HS3ST1: variants seen among roughly 807,000 people sequenced by gnomAD.
HS3ST1 encodes the protein heparan sulfate glucosamine 3-O-sulfotransferase 1.
A neutral mutation model predicts 20.7 loss-of-function variants in HS3ST1; 8 were observed. The ratio of observed to expected loss-of-function variants is 0.39; its 90% CI spans 0.23 to 0.70. The LOEUF (loss-of-function observed/expected upper bound fraction) is 0.70. Among genes scored for constraint, HS3ST1 ranks in the 30% least tolerant of loss-of-function variants. The pLI is 0.46. For missense variants in HS3ST1, 436 were observed against 423.4 expected (o/e 1.03, Z -0.26); for synonymous variants, 205 against 190.4 (o/e 1.08, Z -0.63).
At chr4:11,417,344 C>T (rs1456895390) in intron 1 of HS3ST1, among the ~76,000 whole-genome samples, 2 of 152,156 alleles carry the variant, frequency 1.3e-5, no homozygotes, top group African/African-American at 4.8e-5. Context: ...CCACTGTCTG[C>T]CAGGCATTGG....
At chr4:11,425,794 A>ACG (rs1719045065) in intron 1 of HS3ST1, among the ~76,000 whole-genome samples, 1 of 152,140 alleles carries the variant, frequency 6.6e-6, no homozygotes, top group Non-Finnish European at 1.5e-5. Flanking sequence ...AGAGGAAGAA[A>ACG]TTTAGGGTCA....
rs376342657 is a variant in HS3ST1, at chr4:11,399,918, G to A, written c.88C>T (p.Leu30Phe). The change falls in exon 2 of 2, where the codon CTT becomes TTT. Residue 30 changes from leucine to phenylalanine, a missense_variant. Transcript: ENST00000002596. This position sits in a 1 kb window ranked among gnomAD's most constrained non-coding sequence, Gnocchi z 5.1. ...SRPAELGQQE[L>F]LRKAGTLQDD... ...TGGAGGGTCCCCGCTTTCCGCAGAA[G>A]CTCCTGCTGGCCTAGCTCGGCGGGG... 22 of 1,602,070 alleles carry A rather than the reference G, an allele frequency of 1.4e-5. No individual in the cohort carries two copies. Among genetic ancestry groups the A allele is most frequent in the East Asian group, 2.3e-5 (1 of 44,374 alleles).
intron 1 of HS3ST1, among the ~76,000 whole-genome samples, chr4:11,405,273 C>T (rs549419405): frequency 6.6e-6 from 1 of 152,310 alleles, no homozygotes; most frequent in African/African-American, 2.4e-5. Context: ...ATGGTGAAAA[C>T]CCAAGGCCTG....
chr4:11,416,312 A>C (rs1395631778), intron 1 of HS3ST1, among the ~76,000 whole-genome samples: 1 of 152,056 alleles, frequency 6.6e-6, no homozygotes, highest in Non-Finnish European at 1.5e-5. Context: ...TCCATATTTC[A>C]CTCAGGGATC....
Position 11,403,920 on chromosome 4 carries a change from C to T in HS3ST1, c.-108-3807G>A, listed in dbSNP as rs577140058. Among the ~76,000 whole-genome samples the T allele has an allele frequency of 2.0e-5, 3 of 152,298 alleles. No homozygotes were observed. The South Asian group carries it at 6.2e-4, about 32-fold the overall frequency. On this transcript the variant is annotated intron_variant, in intron 1 of 1. Transcript: ENST00000002596. ...TGATTACTTTGAGACTGAAATGAAA[C>T]AATGTGTGTCAGGACTGTCCAATAT...
rs892306805 is a variant in HS3ST1, at chr4:11,396,647, T to C, written c.*2435A>G. On this transcript the variant is annotated 3_prime_UTR_variant, in exon 2 of 2. Coordinates refer to ENST00000002596, the MANE Select transcript of HS3ST1 (RefSeq NM_005114.4). ...ATAAATACCTTGGGTAAGTCTGGAGTGATGGTTTCTTACACAGTGTACCTT... is the reference window on the plus strand; with the variant it reads ...ATAAATACCTTGGGTAAGTCTGGAGCGATGGTTTCTTACACAGTGTACCTT... The C allele has an allele frequency of 1.3e-5, 2 of 152,236 alleles. No homozygotes were observed. Among genetic ancestry groups the C allele is most frequent in the Non-Finnish European group, 2.9e-5 (2 of 68,128 alleles). The allele number at this position is 152,236 out of a possible 1,614,324, so 9.4% of individuals were successfully genotyped here.
rs1215438989 is a variant in HS3ST1, at chr4:11,398,711, A to T, written c.*371T>A. 6.1e-6 allele frequency: 1 copy of T among 163,030 alleles called. No homozygotes were observed. The highest frequency in any genetic ancestry group is 1.3e-5 in the Non-Finnish European group (1 of 75,918). The allele number at this position is 163,030 out of a possible 1,614,324, so 10.1% of individuals were successfully genotyped here. A position where few individuals can be genotyped will look rare whatever the true frequency, so the allele number is the denominator to read the frequency against. On this transcript the variant is annotated 3_prime_UTR_variant, in exon 2 of 2. Transcript: ENST00000002596. ...AACATGTTTTTTTAAGTAACAAAAG[A>T]ATTTAGATTTTGCAATGATTGCAAC...
rs750639573 is a variant in HS3ST1, at chr4:11,399,732, A to C, written c.274T>G (p.Trp92Gly). Reference protein sequence around the residue: ...AAENEVHFFDWEEHYSHGLGW... With the variant: ...AAENEVHFFDGEEHYSHGLGW... ...AAGCCGTGGCTGTAATGCTCCTCCC[A>C]GTCGAAGAAGTGGACCTCGTTCTCC... The change falls in exon 2 of 2, where the codon TGG becomes GGG. Residue 92 changes from tryptophan (W) to glycine (G), a missense_variant. Transcript: ENST00000002596. This position sits in a 1 kb window ranked among gnomAD's most constrained non-coding sequence, Gnocchi z 5.1. 6.2e-7 allele frequency: 1 copy of C among 1,613,788 alleles called. No homozygotes were observed. Among genetic ancestry groups the C allele is most frequent in the Non-Finnish European group, 8.5e-7 (1 of 1,180,048 alleles).
In HS3ST1 at chr4:11,399,025, C is replaced by T. The variant is rs372359750; in HGVS notation, c.*57G>A. 6 of 1,439,656 alleles carry T rather than the reference C, an allele frequency of 4.2e-6. No individual in the cohort carries two copies. Among genetic ancestry groups the T allele is most frequent in the African/African-American group, 2.9e-5 (2 of 69,832 alleles). 89.2% of individuals were successfully genotyped at this position (1,439,656 alleles called of 1,614,324 possible). On this transcript the variant is annotated 3_prime_UTR_variant, in exon 2 of 2. Transcript: ENST00000002596. This position sits in a 1 kb window ranked among gnomAD's most constrained non-coding sequence, Gnocchi z 5.1. ...ATGCTTTTTTAAAATTCTTTTTCCCCTCAGATGTACACCAGAACTTACAGT... is the reference window on the plus strand; with the variant it reads ...ATGCTTTTTTAAAATTCTTTTTCCCTTCAGATGTACACCAGAACTTACAGT...
intron 1 of HS3ST1, among the ~76,000 whole-genome samples, chr4:11,417,419 C>T (rs1165414316): frequency 1.2e-4 from 19 of 152,112 alleles, no homozygotes; most frequent in Admixed American, 1.2e-3. Flanking sequence ...CTTACAATTT[C>T]ATCTATTAGA....
chr4:11,394,887 A>G lies in HS3ST1; in HGVS notation c.*4195T>C, dbSNP rs1718093705. ...TAGAAGCAATATATTTAAAATACCA[A>G]GCACATGGCAGGTGTGCAACAAATG... On this transcript the variant is annotated 3_prime_UTR_variant, in exon 2 of 2. Transcript: ENST00000002596. 4 of 152,236 alleles carry G rather than the reference A, an allele frequency of 2.6e-5. No homozygotes were observed. Among genetic ancestry groups the G allele is most frequent in the Admixed American group, 2.6e-4 (4 of 15,284 alleles). The allele number at this position is 152,236 out of a possible 1,614,324, so 9.4% of individuals were successfully genotyped here. A position where few individuals can be genotyped will look rare whatever the true frequency, so the allele number is the denominator to read the frequency against.
chr4:11,396,429 C>T lies in HS3ST1; in HGVS notation c.*2653G>A, dbSNP rs921941374. The stretch of plus-strand genomic sequence containing the variant: ...TAGATCCCCCAGGCTGCTCCCGGGC[C>T]GGGGTGGTCTGGACAGGAGACCCAC... On this transcript the variant is annotated 3_prime_UTR_variant, in exon 2 of 2. Coordinates refer to ENST00000002596, the MANE Select transcript of HS3ST1 (RefSeq NM_005114.4). 6 of 152,262 alleles carry T rather than the reference C, an allele frequency of 3.9e-5. No individual in the cohort carries two copies. The highest frequency in any genetic ancestry group is 9.7e-5 in the African/African-American group (4 of 41,430). 9.4% of individuals were successfully genotyped at this position (152,262 alleles called of 1,614,324 possible).
At position 11,399,487 on chromosome 4, in the gene HS3ST1, G is replaced by A; in HGVS notation, c.519C>T (p.Ser173=). 6.2e-7 allele frequency: 1 copy of A among 1,614,044 alleles called. No homozygotes were observed. The highest frequency in any genetic ancestry group is 8.5e-7 in the Non-Finnish European group (1 of 1,180,006). The change falls in exon 2 of 2, where the codon TCC becomes TCT. Residue 173 remains serine (S), a synonymous_variant. Transcript: ENST00000002596. The surrounding 1 kb of genome is among the most constrained non-coding windows in gnomAD (Gnocchi z 5.1). ...NHMQKHKPYP[S]IEEFLVRDGR... Reference sequence around the variant, plus strand: ...CATCGCGCACCAGGAACTCCTCGATGGACGGGTAGGGCTTGTGCTTCTGCA... The same window carrying A: ...CATCGCGCACCAGGAACTCCTCGATAGACGGGTAGGGCTTGTGCTTCTGCA...
At position 11,395,378 on chromosome 4, in the gene HS3ST1, C is replaced by G. The variant is rs1413808592; in HGVS notation, c.*3704G>C. On this transcript the variant is annotated 3_prime_UTR_variant, in exon 2 of 2. Coordinates refer to ENST00000002596, the MANE Select transcript of HS3ST1 (RefSeq NM_005114.4). ...TTTGTGATGTCAACATTTTCCATTT[C>G]TGGACTATTTCCCTGGAGTGAGCAA... The G allele has an allele frequency of 6.6e-6, 1 of 151,568 alleles. No homozygotes were observed. The highest frequency in any genetic ancestry group is 2.1e-4 in the South Asian group (1 of 4,798). The allele number at this position is 151,568 out of a possible 1,614,324, so 9.4% of individuals were successfully genotyped here.
At chr4:11,412,175 C>G (rs1718655971) in intron 1 of HS3ST1, among the ~76,000 whole-genome samples, 1 of 152,116 alleles carries the variant, frequency 6.6e-6, no homozygotes, top group Non-Finnish European at 1.5e-5. Context: ...TCGAAAGGGC[C>G]AAAGCACCAG....
At chr4:11,411,005 C>T (rs1718616013) in intron 1 of HS3ST1, among the ~76,000 whole-genome samples, 1 of 152,180 alleles carries the variant, frequency 6.6e-6, no homozygotes. Flanking sequence ...TCACTATGTA[C>T]AGGCTCTGAC....
chr4:11,418,330 A>G (rs765585809), intron 1 of HS3ST1, among the ~76,000 whole-genome samples: 1 of 152,252 alleles, frequency 6.6e-6, no homozygotes, highest in Non-Finnish European at 1.5e-5. Flanking sequence ...TAAGTGCAGC[A>G]TTATAGACAC....
chr4:11,428,526 G>A (rs1454307489), intron 1 of HS3ST1, 173 bp downstream of exon 1: 2 of 152,554 alleles, frequency 1.3e-5, no homozygotes, highest in African/African-American at 4.8e-5. Context: ...AGGAGGATGG[G>A]AAAATCCCCA....
chr4:11,414,028 CT>C lies in HS3ST1; in HGVS notation c.-108-13916del, dbSNP rs1383582458. Reference sequence around the variant, plus strand: ...CTAGCAGGAGGATGCATGAGATAGGCTTCTTTCCTTTCTTTTTTTTAAAGCA... The same window carrying C: ...CTAGCAGGAGGATGCATGAGATAGGCTCTTTCCTTTCTTTTTTTTAAAGCA... On this transcript the variant is annotated intron_variant, in intron 1 of 1. Coordinates refer to ENST00000002596, the MANE Select transcript of HS3ST1 (RefSeq NM_005114.4). The C allele has an allele frequency of 2.3e-4, 35 of 152,198 alleles. 1 individual carries two copies. Among genetic ancestry groups the C allele is most frequent in the African/African-American group, 6.0e-4 (25 of 41,554 alleles). The allele number at this position is 152,198 out of a possible 1,614,324, so 9.4% of individuals were successfully genotyped here.
Sources: gnomAD v4.1 joint callset for allele counts (sites outside exome capture counted in the v4.1 genomes callset) on GRCh38, gnomAD v4.1.1 for gene constraint, Gnocchi (gnomAD v3.1) non-coding constraint, MANE v1.5 for transcripts, NCBI Gene and HGNC (gene_info 2026-07-23, HGNC 2026-07-21) for gene names.